HGFAC: variants seen among roughly 807,000 people sequenced by gnomAD.
The protein encoded by HGFAC is hepatocyte growth factor activator serine protease.
A neutral mutation model predicts 70.6 loss-of-function variants in HGFAC; 76 were observed. That is an observed-to-expected ratio of 1.08 (90% CI 0.89 to 1.30). The LOEUF (loss-of-function observed/expected upper bound fraction) is 1.30. Among genes scored for constraint, HGFAC ranks in the 50% most tolerant of loss-of-function variants. The pLI, the probability that HGFAC is intolerant of heterozygous loss-of-function variation, is 0.00. For synonymous variants in HGFAC, 464 were observed against 405.3 expected, an observed-to-expected ratio of 1.14 and a Z score of -1.74; for missense variants, 1,044 against 933.7, an observed-to-expected ratio of 1.12 and a Z score of -1.54.
At chr4:3,441,866 CG>C, upstream of HGFAC, 2 of 534,912 alleles carry the variant, frequency 3.7e-6, no homozygotes, top group Non-Finnish European at 6.4e-6. The surrounding 1 kb of genome is among the most constrained non-coding windows in gnomAD (Gnocchi z 6.0). Flanking sequence ...CCAGGGGACT[CG>C]GGGACTTCCT....
intron 4 of HGFAC, among the ~76,000 whole-genome samples, 168 bp downstream of exon 4, chr4:3,443,588 C>T (rs1473154364): frequency 2.0e-5 from 3 of 152,206 alleles, no homozygotes; most frequent in African/African-American, 7.2e-5. Flanking sequence ...GAGCCTCTCC[C>T]AGGTGGGACC....
In HGFAC at chr4:3,445,903, G is replaced by C. The variant is rs751890873; in HGVS notation, c.1103-139G>C. On this transcript the variant is annotated intron_variant, in intron 9 of 13. Transcript: ENST00000382774. Reference sequence around the variant, plus strand: ...TTGGAAACTGAGGGCAGAGGTGAGTGGGCGCCAGGGCCTGAGCAGCGTGGA... The same window carrying C: ...TTGGAAACTGAGGGCAGAGGTGAGTCGGCGCCAGGGCCTGAGCAGCGTGGA... 47 of 1,549,440 alleles carry C rather than the reference G, an allele frequency of 3.0e-5. No homozygotes were observed. The African/African-American group carries it at 5.5e-4, about 18-fold the overall frequency.
chr4:3,445,782 C>A, intron 9 of HGFAC: 2 of 1,231,616 alleles, frequency 1.6e-6, no homozygotes, highest in Non-Finnish European at 2.3e-6. Context: ...CTGTGGGGTT[C>A]CGGGCTGCTG....
At chr4:3,445,438 G>T in intron 9 of HGFAC, 88 bp downstream of exon 9, 2 of 894,694 alleles carry the variant, frequency 2.2e-6, no homozygotes, top group Non-Finnish European at 3.6e-6. Flanking sequence ...CCGCACACCT[G>T]GCTACTGCAT....
At position 3,444,830 on chromosome 4, in the gene HGFAC, C is replaced by T. The variant is rs774227017; in HGVS notation, c.853C>T (p.Arg285Cys). Residue 285 changes from arginine to cysteine, a missense_variant, in exon 8 of 14, where the codon CGC (arginine) becomes TGC (cysteine). Arg to Cys is a radical substitution (Grantham distance 180, BLOSUM62 -3). Transcript: ENST00000382774. ...CCCTCTGCCCGCAGAGCCTGATGAG[C>T]GCTGCTTCTTGGGGAACGGCACTGG... ...GRLCNIEPDERCFLGNGTGYR... is the reference protein window; with the variant it reads ...GRLCNIEPDECCFLGNGTGYR... The T allele has an allele frequency of 2.1e-5, 33 of 1,597,146 alleles. 2 individuals are homozygous for T. The highest frequency in any genetic ancestry group is 3.4e-4 in the Middle Eastern group (2 of 5,878).
At position 3,449,298 on chromosome 4, in the gene HGFAC, T is replaced by C; in HGVS notation, c.1847T>C (p.Ile616Thr). The stretch of plus-strand genomic sequence containing the variant: ...GGCGTGGCTTACCTCTACGGCATCA[T>C]CAGCTGGGGTGACGGCTGCGGGCGG... ...KNGVAYLYGI[I>T]SWGDGCGRLH... The change falls in exon 14 of 14, where the codon ATC becomes ACC. Residue 616 changes from isoleucine (I) to threonine (T), a missense_variant. Ile to Thr is a moderately conservative substitution (Grantham distance 89, BLOSUM62 -1). Coordinates refer to ENST00000382774, the MANE Select transcript of HGFAC (RefSeq NM_001528.4). The C allele has an allele frequency of 1.9e-6, 3 of 1,612,362 alleles. No individual in the cohort carries two copies. Among genetic ancestry groups the C allele is most frequent in the Non-Finnish European group, 1.7e-6 (2 of 1,179,598 alleles).
At chr4:3,443,286 G>T in intron 3 of HGFAC, 55 bp from the exon 4 acceptor site, 1 of 1,457,442 alleles carries the variant, frequency 6.9e-7, no homozygotes, top group Non-Finnish European at 9.3e-7. Flanking sequence ...GGGTGGTGGG[G>T]TGGGGTGGGG....
At chr4:3,445,578 G>A (rs915521791) in intron 9 of HGFAC, 2 of 606,138 alleles carry the variant, frequency 3.3e-6, no homozygotes, top group Non-Finnish European at 5.9e-6. Flanking sequence ...CGGCCTCGGG[G>A]TGGCACCTGC....
rs201597956 is a variant in HGFAC, at chr4:3,449,266, G to A, written c.1815G>A (p.Glu605=). 6.2e-7 allele frequency: 1 copy of A among 1,612,386 alleles called. No individual in the cohort carries two copies. Among genetic ancestry groups the A allele is most frequent in the East Asian group, 2.2e-5 (1 of 44,836 alleles). ...ACTCAGGGGGGCCCCTGGCCTGCGA[G>A]AAGAACGGCGTGGCTTACCTCTACG... ...QGDSGGPLAC[E]KNGVAYLYGI... The change falls in exon 14 of 14, where the codon GAG becomes GAA. Residue 605 remains glutamate, a synonymous_variant. Coordinates refer to ENST00000382774, the MANE Select transcript of HGFAC (RefSeq NM_001528.4).
Position 3,443,054 on chromosome 4 carries a change from C to T in HGFAC, c.303C>T (p.Leu101=), listed in dbSNP as rs1455077507. The change falls in exon 3 of 14, where the codon CTC becomes CTT. Residue 101 remains leucine, a synonymous_variant. Coordinates refer to ENST00000382774, the MANE Select transcript of HGFAC (RefSeq NM_001528.4). Reference sequence around the variant, plus strand: ...CCTGCCACCCCCTCCCCACAGCACTCACCGAGGACGGGAGGCCCTGCAGGT... The same window carrying T: ...CCTGCCACCCCCTCCCCACAGCACTTACCGAGGACGGGAGGCCCTGCAGGT... ...PSSSSPQAQA[L]TEDGRPCRFP... is the part of the protein sequence containing the mutation. 4.4e-6 allele frequency: 7 copies of T among 1,598,002 alleles called. No individual in the cohort carries two copies. The African/African-American group carries it at 5.3e-5, about 12-fold the overall frequency.
rs761658861 is a variant in HGFAC at position 3,447,664 on chromosome 4, G to A, written c.1495+33G>A. On this transcript the variant is annotated intron_variant, in intron 11 of 13. Transcript: ENST00000382774. ...CCGGCGTGTCGTGGCTGCACTCTGG[G>A]CAGGTGGGCCCTGTGCTCCCCAGGC... The A allele has an allele frequency of 2.0e-5, 32 of 1,610,256 alleles. 1 individual carries two copies. The South Asian group carries it at 3.4e-4, about 17-fold the overall frequency.
At chr4:3,445,736 CT>C (rs1316167855) in intron 9 of HGFAC, 1 of 829,694 alleles carries the variant, frequency 1.2e-6, no homozygotes, top group Admixed American at 2.4e-5. Context: ...CAGCCCGGGG[CT>C]CTCATGTGGG....
rs747431846 is a variant in HGFAC at position 3,445,355 on chromosome 4, G to A, written c.1102+5G>A. 1.2e-5 allele frequency: 18 copies of A among 1,560,484 alleles called. No homozygotes were observed. The highest frequency in any genetic ancestry group is 7.5e-5 in the Admixed American group (4 of 53,030). On this transcript the variant is annotated splice_donor_5th_base_variant and intron_variant, in intron 9 of 13. Transcript: ENST00000382774. The stretch of plus-strand genomic sequence containing the variant: ...ACTGCCGCCTGGAGGCCTGCGGTGC[G>A]CGGCTGGCGGGGGGTGCTGCCTTGG...
intron 9 of HGFAC, chr4:3,445,780 T>A: frequency 1.7e-6 from 2 of 1,205,744 alleles, no homozygotes; most frequent in Non-Finnish European, 2.3e-6. Context: ...GGCTGTGGGG[T>A]TCCGGGCTGC....
chr4:3,445,193 C>A, intron 8 of HGFAC, 72 bp from the exon 9 acceptor site: 1 of 1,386,988 alleles, frequency 7.2e-7, no homozygotes, highest in Non-Finnish European at 1.0e-6. Flanking sequence ...GCTGGGGGTT[C>A]CGATGCCCCC....
rs761247144 is a variant in HGFAC at position 3,444,359 on chromosome 4, G to T, written c.647G>T (p.Arg216Leu). ...TACGAGTACCTGGAGGGGGGCGACC[G>T]CTGGGCCCGCGTGCGCCAGGGCCAC... ...TRYEYLEGGD[R>L]WARVRQGHVE... The change falls in exon 6 of 14, where the codon CGC (arginine) becomes CTC (leucine). Residue 216 changes from arginine to leucine, a missense_variant. Transcript: ENST00000382774. 1.2e-6 allele frequency: 2 copies of T among 1,600,726 alleles called. 1 individual carries two copies. Among genetic ancestry groups the T allele is most frequent in the Admixed American group, 3.4e-5 (2 of 58,028 alleles).
In HGFAC at chr4:3,447,911, GAAGA is replaced by G. The variant is rs751285644; in HGVS notation, c.1516_1519del (p.Lys506GlyfsTer41). On this transcript the variant is annotated frameshift_variant, in exon 12 of 14. Transcript: ENST00000382774. LOFTEE classifies it high-confidence loss of function. The stretch of plus-strand genomic sequence containing the variant: ...TCTGATCAGTCCTGATCCGGCTGAA[GAAGA>G]AAGGGGACCGCTGTGCCACACGCTC... 6 of 1,611,028 alleles carry G rather than the reference GAAGA, an allele frequency of 3.7e-6. No individual in the cohort carries two copies. In the African/African-American group the frequency reaches 4.0e-5, roughly 11 times the overall value.
intron 11 of HGFAC, 79 bp downstream of exon 11, chr4:3,447,710 A>G: frequency 6.3e-7 from 1 of 1,584,436 alleles, no homozygotes; most frequent in South Asian, 1.1e-5. Context: ...CAGGGGCAGG[A>G]GCTGGGCAGA....
chr4:3,446,347 A>C, intron 10 of HGFAC, 53 bp downstream of exon 10: 1 of 1,570,092 alleles, frequency 6.4e-7, no homozygotes, highest in Non-Finnish European at 8.6e-7. Context: ...CACACCATCC[A>C]GCGTCACTAT....
Sources: gnomAD v4.1 joint callset for allele counts (sites outside exome capture counted in the v4.1 genomes callset) on GRCh38, gnomAD v4.1.1 for gene constraint, Gnocchi (gnomAD v3.1) non-coding constraint, MANE v1.5 for transcripts, NCBI Gene and HGNC (gene_info 2026-07-23, HGNC 2026-07-21) for gene names.